MDH2: variants seen among roughly 807,000 people sequenced by gnomAD.
The protein encoded by MDH2 is malate dehydrogenase 2.
In MDH2, 25 loss-of-function variants were observed where a neutral mutation model predicts 33.6. The ratio of observed to expected loss-of-function variants is 0.74; its 90% CI spans 0.54 to 1.04. The LOEUF is 1.04. Ranked by LOEUF, MDH2 falls within the 50% of genes least tolerant of loss-of-function variation. The pLI is 0.00. For synonymous variants in MDH2, 193 were observed against 188.7 expected (o/e 1.02, Z -0.19); for missense variants, 432 against 445.0 (o/e 0.97, Z 0.26).
At position 76,064,967 on chromosome 7, in the gene MDH2, C is replaced by T. The variant is rs186955837; in HGVS notation, c.885+14C>T. On this transcript the variant is annotated intron_variant, in intron 8 of 8. Coordinates refer to ENST00000315758, the MANE Select transcript of MDH2 (RefSeq NM_005918.4). ...CTGCTGCTTGGGGTACGTATCCAGG[C>T]GTGGGTCCTTCTGACTGTGGAATAA... The T allele has an allele frequency of 3.0e-5, 48 of 1,613,898 alleles. No homozygotes were observed. The East Asian group carries it at 6.5e-4, about 22-fold the overall frequency.
chr7:76,057,427 C>T lies in MDH2; in HGVS notation c.253C>T (p.Gln85Ter), dbSNP rs1300681040. 1 of 1,614,058 alleles carries T rather than the reference C, an allele frequency of 6.2e-7. No homozygotes were observed. The highest frequency in any genetic ancestry group is 1.3e-5 in the African/African-American group (1 of 74,918). ...TGTTCTAGGCTACCTCGGACCTGAA[C>T]AGCTGCCTGACTGCCTGAAAGGTTG... ...AAVKGYLGPEQLPDCLKGCDV... is the reference protein window; with the variant it reads ...AAVKGYLGPE Residue 85 changes from glutamine (Q) to a stop codon, truncating the protein, a stop_gained, in exon 3 of 9, where the codon CAG becomes TAG. Transcript: ENST00000315758. LOFTEE classifies it high-confidence loss of function.
intron 1 of MDH2, chr7:76,048,513 C>T (rs1554584628): frequency 3.8e-6 from 5 of 1,320,854 alleles, no homozygotes; most frequent in Non-Finnish European, 3.9e-6. Context: ...TTGGCTTGCA[C>T]GCCTTCAAGG....
At chr7:76,048,388 G>A in intron 1 of MDH2, 162 bp downstream of exon 1, 1 of 1,183,162 alleles carries the variant, frequency 8.5e-7, no homozygotes, top group Non-Finnish European at 1.1e-6. Flanking sequence ...CCTGACACTG[G>A]CCTGGAGGTG....
At position 76,048,245 on chromosome 7, in the gene MDH2, G is replaced by A. The variant is rs1470638627; in HGVS notation, c.66+19G>A. On this transcript the variant is annotated intron_variant, in intron 1 of 8. Coordinates refer to ENST00000315758, the MANE Select transcript of MDH2 (RefSeq NM_005918.4). ...GGCCCAGGTAGGCCAGACGAGGGGC[G>A]GCCTGCAGGCGGAGGCCCCCCGGCC... is the stretch of plus-strand genomic sequence containing the variant. 8.5e-6 allele frequency: 13 copies of A among 1,530,600 alleles called. No homozygotes were observed. Among genetic ancestry groups the A allele is most frequent in the Middle Eastern group, 2.1e-4 (1 of 4,668 alleles). 94.8% of individuals were successfully genotyped at this position (1,530,600 alleles called of 1,614,324 possible). A position where few individuals can be genotyped will look rare whatever the true frequency, so the allele number is the denominator to read the frequency against.
Position 76,057,435 on chromosome 7 carries a change from TG to T in MDH2, c.262del (p.Asp88ThrfsTer3). ...KGYLGPEQLP[D>X]CLKGCDVVVI... The stretch of plus-strand genomic sequence containing the variant: ...GCTACCTCGGACCTGAACAGCTGCC[TG>T]ACTGCCTGAAAGGTTGTGATGTGGT... On this transcript the variant is annotated frameshift_variant, in exon 3 of 9. Coordinates refer to ENST00000315758, the MANE Select transcript of MDH2 (RefSeq NM_005918.4). LOFTEE classifies it high-confidence loss of function. 6.2e-7 allele frequency: 1 copy of T among 1,614,194 alleles called. No homozygotes were observed. Among genetic ancestry groups the T allele is most frequent in the South Asian group, 1.1e-5 (1 of 91,080 alleles).
chr7:76,066,357 G>A lies in MDH2; in HGVS notation c.964G>A (p.Glu322Lys), dbSNP rs782474360. 1.7e-5 allele frequency: 28 copies of A among 1,607,824 alleles called. No homozygotes were observed. Among genetic ancestry groups the A allele is most frequent in the Admixed American group, 3.4e-5 (2 of 59,200 alleles). ...EEKMISDAIP[E>K]LKASIKKGED... ...GAAGATGATCTCGGATGCCATCCCC[G>A]AGCTGAAGGCCTCCATCAAGAAGGG... Residue 322 changes from glutamate (E) to lysine (K), a missense_variant, in exon 9 of 9, where the codon GAG becomes AAG. Glu to Lys is a moderately conservative substitution (Grantham distance 56). Transcript: ENST00000315758.
At position 76,048,143 on chromosome 7, in the gene MDH2, G is replaced by C. The variant is rs1797374080; in HGVS notation, c.-18G>C. On this transcript the variant is annotated 5_prime_UTR_variant, in exon 1 of 9. Transcript: ENST00000315758. The stretch of plus-strand genomic sequence containing the variant: ...CCAGCTCCTGTGCCTGCCAGTCGGT[G>C]CCCCTCCCGCTCCAGCCATGCTCTC... The C allele has an allele frequency of 6.5e-7, 1 of 1,536,484 alleles. No individual in the cohort carries two copies. The highest frequency in any genetic ancestry group is 2.4e-5 in the East Asian group (1 of 40,914).
intron 2 of MDH2, among the ~76,000 whole-genome samples, 168 bp downstream of exon 2, chr7:76,055,166 A>C (rs763046893): frequency 6.6e-6 from 1 of 152,254 alleles, no homozygotes; most frequent in Non-Finnish European, 1.5e-5. Flanking sequence ...GCGTCTATAA[A>C]AATTGAAACA....
At chr7:76,048,425 G>A in intron 1 of MDH2, 199 bp downstream of exon 1, 17 of 1,120,804 alleles carry the variant, frequency 1.5e-5, no homozygotes, top group Non-Finnish European at 1.8e-5. Context: ...GGAAAAGGGG[G>A]CGAGGTAGTC....
rs781924828 is a variant in MDH2 at position 76,048,246 on chromosome 7, G to T, written c.66+20G>T. 2.0e-6 allele frequency: 3 copies of T among 1,530,586 alleles called. No individual in the cohort carries two copies. The South Asian group carries it at 3.6e-5, about 18-fold the overall frequency. 94.8% of individuals were successfully genotyped at this position (1,530,586 alleles called of 1,614,324 possible). A position where few individuals can be genotyped will look rare whatever the true frequency, so the allele number is the denominator to read the frequency against. ...GCCCAGGTAGGCCAGACGAGGGGCG[G>T]CCTGCAGGCGGAGGCCCCCCGGCCC... On this transcript the variant is annotated intron_variant, in intron 1 of 8. Coordinates refer to ENST00000315758, the MANE Select transcript of MDH2 (RefSeq NM_005918.4).
rs1458499455 is a variant in MDH2, at chr7:76,056,551, G to A, written c.236-859G>A. Among the ~76,000 whole-genome samples the A allele has an allele frequency of 7.2e-5, 11 of 152,310 alleles. No homozygotes were observed. In the East Asian group the frequency reaches 2.1e-3, roughly 29 times the overall value. On this transcript the variant is annotated intron_variant, in intron 2 of 8. Coordinates refer to ENST00000315758, the MANE Select transcript of MDH2 (RefSeq NM_005918.4). ...GTATATTCGGGTTAAGAAGGCTCCT[G>A]CATTAAGGAAAAAGTCAAGATCGAA...
At chr7:76,057,931 G>C in intron 3 of MDH2, 38 bp from the exon 4 acceptor site, 5 of 1,583,328 alleles carry the variant, frequency 3.2e-6, no homozygotes, top group Non-Finnish European at 4.3e-6. Flanking sequence ...GAAATTTGTG[G>C]TGTTCTCTGT....
chr7:76,066,315 G>T lies in MDH2; in HGVS notation c.922G>T (p.Val308Phe), dbSNP rs1798095318. ...GIEKNLGIGK[V>F]SSFEEKMISD... ...CGAGAAGAACCTGGGCATCGGCAAA[G>T]TCTCCTCTTTTGAGGAGAAGATGAT... Residue 308 changes from valine to phenylalanine, a missense_variant, in exon 9 of 9, where the codon GTC becomes TTC. Val to Phe is a conservative substitution (Grantham distance 50). Transcript: ENST00000315758. 1 of 1,610,372 alleles carries T rather than the reference G, an allele frequency of 6.2e-7. No homozygotes were observed. Among genetic ancestry groups the T allele is most frequent in the East Asian group, 2.2e-5 (1 of 44,784 alleles).
In MDH2 at chr7:76,067,279, A is replaced by T. The variant is rs1798119109; in HGVS notation, c.*869A>T. 6.6e-6 allele frequency: 1 copy of T among 152,212 alleles called. No individual in the cohort carries two copies. The highest frequency in any genetic ancestry group is 1.5e-5 in the Non-Finnish European group (1 of 68,048). 9.4% of individuals were successfully genotyped at this position (152,212 alleles called of 1,614,324 possible). A position where few individuals can be genotyped will look rare whatever the true frequency, so the allele number is the denominator to read the frequency against. On this transcript the variant is annotated 3_prime_UTR_variant, in exon 9 of 9. Coordinates refer to ENST00000315758, the MANE Select transcript of MDH2 (RefSeq NM_005918.4). ...CTGAAAGCTGCATACCTGGGAAAGA[A>T]CTTTCTAGGAATAGGCAATGGCCTT...
chr7:76,064,473 G>A, intron 7 of MDH2, 35 bp downstream of exon 7: 2 of 1,553,960 alleles, frequency 1.3e-6, no homozygotes, highest in Non-Finnish European at 8.8e-7. Flanking sequence ...CTGGGTGCCA[G>A]TGAGGCCCTG....
intron 1 of MDH2, 162 bp from the exon 2 acceptor site, chr7:76,054,668 G>C (rs1554585927): frequency 3.7e-6 from 3 of 821,508 alleles, no homozygotes; most frequent in Non-Finnish European, 5.9e-6. Flanking sequence ...TTGGAATGAA[G>C]GTCCTGAATT....
chr7:76,061,277 A>G (rs1246062504), intron 5 of MDH2, among the ~76,000 whole-genome samples: 7 of 152,186 alleles, frequency 4.6e-5, no homozygotes, highest in African/African-American at 1.7e-4. Flanking sequence ...GTGCACCCGC[A>G]GCACCCTTGG....
intron 3 of MDH2, 146 bp downstream of exon 3, chr7:76,057,639 A>G: frequency 1.2e-6 from 1 of 825,670 alleles, no homozygotes; most frequent in Non-Finnish European, 1.9e-6. Context: ...TAAAGGTCAC[A>G]TCTCTTTGTT....
At chr7:76,060,720 TC>T (rs1203084114) in intron 5 of MDH2, among the ~76,000 whole-genome samples, 4 of 151,944 alleles carry the variant, frequency 2.6e-5, no homozygotes, top group Non-Finnish European at 4.4e-5. Context: ...AGTGTCTGTC[TC>T]CCGGCTCTCG....
Sources: allele counts gnomAD v4.1 joint callset (sites outside exome capture counted in the v4.1 genomes callset), GRCh38; gene constraint gnomAD v4.1.1; transcripts MANE v1.5; gene names NCBI Gene and HGNC (gene_info 2026-07-23, HGNC 2026-07-21).